Variants in HIPK2 observed in about 807,000 individuals in gnomAD.
The protein encoded by HIPK2 is homeodomain-interacting protein kinase 2.
Under a neutral mutation model 113.7 loss-of-function variants are expected in HIPK2, and 27 were observed. That is an observed-to-expected ratio of 0.24 (90% confidence interval 0.17 to 0.33). HIPK2 has a LOEUF of 0.33. HIPK2 is among the 10% of genes least tolerant of loss of function. The pLI is 1.00. For synonymous variants in HIPK2, 631 were observed against 642.2 expected, an observed-to-expected ratio of 0.98 and a Z score of 0.26; for missense variants, 1,257 against 1,588.0, an observed-to-expected ratio of 0.79 and a Z score of 3.54.
chr7:139,697,105 T>C (rs2116824080), intron 2 of HIPK2, among the ~76,000 whole-genome samples: 1 of 152,268 alleles, frequency 6.6e-6, no homozygotes, highest in East Asian at 1.9e-4. Flanking sequence ...TTTCGCCTCC[T>C]CCCCGACCCC....
intron 1 of HIPK2, among the ~76,000 whole-genome samples, chr7:139,728,774 A>G (rs564216791): frequency 6.1e-4 from 93 of 152,354 alleles, no homozygotes; most frequent in East Asian, 1.2e-3. Context: ...AATAATTACC[A>G]TATTCCAAAA....
chr7:139,666,644 A>C (rs921368538), intron 2 of HIPK2, among the ~76,000 whole-genome samples: 3 of 152,344 alleles, frequency 2.0e-5, no homozygotes, highest in African/African-American at 7.2e-5. Context: ...CAGTACAACA[A>C]GACACCATAT....
At position 139,777,752 on chromosome 7, in the gene HIPK2, C is replaced by T; in HGVS notation, c.-129G>A. ...TCCGCTCTCGGCGCAGCCGAGGCCG[C>T]CCGCGCCCGCATCACCGCCTCCCGT... On this transcript the variant is annotated 5_prime_UTR_variant, in exon 1 of 15. Transcript: ENST00000406875. The T allele has an allele frequency of 1.1e-6, 1 of 900,066 alleles. No homozygotes were observed. The highest frequency in any genetic ancestry group is 1.3e-6 in the Non-Finnish European group (1 of 745,622). The allele number at this position is 900,066 out of a possible 1,614,324, so 55.8% of individuals were successfully genotyped here.
intron 4 of HIPK2, among the ~76,000 whole-genome samples, chr7:139,629,886 GACCTTGACACTC>G (rs150404428): frequency 0.023 from 3,444 of 152,048 alleles, 141 homozygotes; most frequent in African/African-American, 0.079. Flanking sequence ...TACTGGACCT[GACCTTGACACTC>G]ACCCTCACAG....
intron 2 of HIPK2, among the ~76,000 whole-genome samples, chr7:139,697,488 A>G (rs1473881466): frequency 1.3e-5 from 2 of 152,060 alleles, no homozygotes; most frequent in Non-Finnish European, 2.9e-5. Flanking sequence ...ATCTCTAACA[A>G]TGCTAGGTCC....
chr7:139,764,613 A>G (rs900649026), intron 1 of HIPK2, among the ~76,000 whole-genome samples: 3 of 152,234 alleles, frequency 2.0e-5, no homozygotes, highest in Non-Finnish European at 4.4e-5. Context: ...AGAGAGGTCC[A>G]GTAGCTTGAT....
intron 2 of HIPK2, among the ~76,000 whole-genome samples, chr7:139,641,835 C>T (rs752085052): frequency 8.5e-5 from 13 of 152,202 alleles, no homozygotes; most frequent in Non-Finnish European, 1.6e-4. Context: ...ACTGCCACTC[C>T]GAACTTGGGT....
At chr7:139,722,130 G>A (rs1358916054) in intron 1 of HIPK2, 2 of 297,720 alleles carry the variant, frequency 6.7e-6, no homozygotes, top group Non-Finnish European at 7.0e-6. Flanking sequence ...CTACAGAAGT[G>A]ATAAGTAAAA....
intron 1 of HIPK2, among the ~76,000 whole-genome samples, chr7:139,768,797 A>G (rs150568328): frequency 1.4e-3 from 208 of 152,282 alleles, no homozygotes; most frequent in Non-Finnish European, 2.5e-3. Flanking sequence ...CCCACCTGGC[A>G]GTGCAGCCTA....
At chr7:139,775,393 A>G (rs1796722557) in intron 1 of HIPK2, among the ~76,000 whole-genome samples, 1 of 152,348 alleles carries the variant, frequency 6.6e-6, no homozygotes, top group South Asian at 2.1e-4. Flanking sequence ...GTTTTAGAGC[A>G]TGTCCAACAA....
chr7:139,601,946 CTTCT>C (rs1383260141), intron 10 of HIPK2, among the ~76,000 whole-genome samples: 3 of 139,326 alleles, frequency 2.2e-5, no homozygotes, highest in African/African-American at 8.1e-5. Context: ...CATATTATGG[CTTCT>C]TTTTTTTTTT....
chr7:139,605,235 GGTGTGTGTGT>G (rs34675356), intron 9 of HIPK2, among the ~76,000 whole-genome samples: 8 of 147,560 alleles, frequency 5.4e-5, no homozygotes, highest in African/African-American at 1.0e-4. Flanking sequence ...TAGATTCACT[GGTGTGTGTGT>G]GTGTGTGTGT....
chr7:139,583,515 C>T (rs965150079), intron 13 of HIPK2: 2 of 316,628 alleles, frequency 6.3e-6, no homozygotes, highest in African/African-American at 2.2e-5. Context: ...TTCTTCCAGG[C>T]TCAGGCATAA....
chr7:139,613,074 A>G lies in HIPK2; in HGVS notation c.2112+128T>C, dbSNP rs1194711974. On this transcript the variant is annotated intron_variant, in intron 9 of 14. Coordinates refer to ENST00000406875, the MANE Select transcript of HIPK2 (RefSeq NM_022740.5). This position sits in a 1 kb window ranked among gnomAD's most constrained non-coding sequence, Gnocchi z 4.2. ...TTGGGGACCATTTAGAATATTACAG[A>G]TACATTCCAATGACTAGAAGCACCT... 21 of 1,120,702 alleles carry G rather than the reference A, an allele frequency of 1.9e-5. No individual in the cohort carries two copies. Among genetic ancestry groups the G allele is most frequent in the Non-Finnish European group, 2.5e-5 (20 of 797,452 alleles). 69.4% of individuals were successfully genotyped at this position (1,120,702 alleles called of 1,614,324 possible). A position where few individuals can be genotyped will look rare whatever the true frequency, so the allele number is the denominator to read the frequency against.
chr7:139,726,774 G>A (rs1255222914), intron 1 of HIPK2, among the ~76,000 whole-genome samples: 2 of 152,202 alleles, frequency 1.3e-5, no homozygotes, highest in East Asian at 3.9e-4. Flanking sequence ...AGAGCAAGGT[G>A]ACCCTGAACT....
At chr7:139,640,531 G>GT (rs1569461624) in intron 2 of HIPK2, among the ~76,000 whole-genome samples, 1 of 152,206 alleles carries the variant, frequency 6.6e-6, no homozygotes, top group Non-Finnish European at 1.5e-5. Flanking sequence ...GAGCATCATA[G>GT]GGGGGCACCT....
intron 11 of HIPK2, among the ~76,000 whole-genome samples, chr7:139,597,838 C>G (rs932644429): frequency 6.6e-6 from 1 of 152,122 alleles, no homozygotes. Flanking sequence ...TCTCCCCTCC[C>G]TATTAGATCC....
At chr7:139,607,017 G>C (rs991747527) in intron 9 of HIPK2, among the ~76,000 whole-genome samples, 2 of 152,146 alleles carry the variant, frequency 1.3e-5, no homozygotes, top group Admixed American at 1.3e-4. Flanking sequence ...ATATATCCAT[G>C]AAACAAGATC....
At chr7:139,758,837 G>A (rs1042240728) in intron 1 of HIPK2, among the ~76,000 whole-genome samples, 2 of 151,832 alleles carry the variant, frequency 1.3e-5, no homozygotes, top group Non-Finnish European at 2.9e-5. Context: ...AACACCAAAC[G>A]TACCAAGATG....
Sources: allele counts gnomAD v4.1 joint callset (sites outside exome capture counted in the v4.1 genomes callset), GRCh38; gene constraint gnomAD v4.1.1; non-coding constraint Gnocchi (gnomAD v3.1); transcripts MANE v1.5; gene names NCBI Gene and HGNC (gene_info 2026-07-23, HGNC 2026-07-21).